The following ADGRL2 variants were observed in gnomAD, a reference collection of about 807,000 sequenced individuals.
ADGRL2 encodes the protein calcium-independent alpha-latrotoxin receptor 2.
Under a neutral mutation model 157.4 loss-of-function variants are expected in ADGRL2, and 44 were observed. That is an observed-to-expected ratio of 0.28 (90% confidence interval 0.22 to 0.36). ADGRL2 has a LOEUF of 0.36. Ranked by LOEUF, ADGRL2 falls within the 10% of genes least tolerant of loss-of-function variation. The pLI, the probability that ADGRL2 is intolerant of heterozygous loss-of-function variation, is 1.00. For synonymous variants in ADGRL2, 585 were observed against 624.7 expected, an observed-to-expected ratio of 0.94 and a Z score of 0.95; for missense variants, 1,510 against 1,768.9, an observed-to-expected ratio of 0.85 and a Z score of 2.63.
At chr1:81,654,780 C>T (rs1373511707) in intron 3 of ADGRL2, among the ~76,000 whole-genome samples, 3 of 152,130 alleles carry the variant, frequency 2.0e-5, no homozygotes, top group Admixed American at 2.0e-4. Context: ...AAGTAGATGG[C>T]TGAATTTCAT....
intron 2 of ADGRL2, among the ~76,000 whole-genome samples, chr1:81,877,666 G>A (rs1479864350): frequency 6.7e-6 from 1 of 150,020 alleles, no homozygotes. Flanking sequence ...TTTTTTTGGG[G>A]AGGGGGGAGG....
intron 2 of ADGRL2, among the ~76,000 whole-genome samples, chr1:81,536,012 G>T (rs2079728514): frequency 6.6e-6 from 1 of 152,136 alleles, no homozygotes; most frequent in Admixed American, 6.5e-5. Flanking sequence ...ATTCAATCAT[G>T]CAGATGTAAG....
At position 81,993,087 on chromosome 1, in the gene ADGRL2, ATTTTTTTTTTTTTTT is replaced by A. The variant is rs71085382; in HGVS notation, c.*1960_*1974del. ...TATATATATATATATATATATATAT[ATTTTTTTTTTTTTTT>A]TTTTTTTTTTTTTTTTTGGGACAGA... On this transcript the variant is annotated 3_prime_UTR_variant, in exon 24 of 24. Coordinates refer to ENST00000686636, the MANE Select transcript of ADGRL2 (RefSeq NM_001366006.2). 6.9e-4 allele frequency among the ~76,000 whole-genome samples: 20 copies of A among 29,194 alleles called. No individual in the cohort carries two copies. Among genetic ancestry groups the A allele is most frequent in the South Asian group, 4.9e-3 (4 of 816 alleles). 19.2% of individuals were successfully genotyped at this position (29,194 alleles called of 152,430 possible). A position where few individuals can be genotyped will look rare whatever the true frequency, so the allele number is the denominator to read the frequency against.
At chr1:81,610,778 G>C (rs1014528727) in intron 3 of ADGRL2, among the ~76,000 whole-genome samples, 1 of 152,104 alleles carries the variant, frequency 6.6e-6, no homozygotes, top group African/African-American at 2.4e-5. Flanking sequence ...TTTGGACATA[G>C]AGCCAATAGA....
intron 2 of ADGRL2, among the ~76,000 whole-genome samples, chr1:81,447,973 C>G (rs562211512): frequency 6.6e-6 from 1 of 152,044 alleles, no homozygotes; most frequent in South Asian, 2.1e-4. Context: ...CCTCCCCTGT[C>G]TCTTCCTCCT....
intron 2 of ADGRL2, among the ~76,000 whole-genome samples, chr1:81,512,252 C>G (rs1321654699): frequency 6.7e-6 from 1 of 149,306 alleles, no homozygotes; most frequent in Admixed American, 6.6e-5. Flanking sequence ...ATTTCTTTTT[C>G]TTTCTTTCTT....
At chr1:81,722,150 G>A (rs1456651223) in intron 1 of ADGRL2, 4 of 363,132 alleles carry the variant, frequency 1.1e-5, no homozygotes, top group African/African-American at 6.4e-5. Context: ...AAAATTAGCC[G>A]GGAGCGGTGG....
chr1:81,402,537 T>C (rs2101283183), intron 1 of ADGRL2, among the ~76,000 whole-genome samples: 1 of 152,258 alleles, frequency 6.6e-6, no homozygotes, highest in South Asian at 2.1e-4. Flanking sequence ...CTTGTTTTAA[T>C]AAGATTTCAG....
At chr1:81,566,085 A>G (rs2080554113) in intron 2 of ADGRL2, among the ~76,000 whole-genome samples, 1 of 152,184 alleles carries the variant, frequency 6.6e-6, no homozygotes. Context: ...CACATATTCT[A>G]TTTTTAGTAA....
At chr1:81,719,097 A>G (rs1289986040) in intron 1 of ADGRL2, among the ~76,000 whole-genome samples, 1 of 152,248 alleles carries the variant, frequency 6.6e-6, no homozygotes, top group Non-Finnish European at 1.5e-5. Flanking sequence ...CCCCTGGGTT[A>G]GTCAGAGATC....
intron 2 of ADGRL2, among the ~76,000 whole-genome samples, chr1:81,447,071 A>T (rs2077610855): frequency 6.6e-6 from 1 of 152,156 alleles, no homozygotes; most frequent in African/African-American, 2.4e-5. Flanking sequence ...ATTAGTCAAC[A>T]TAAATTTTAC....
intron 3 of ADGRL2, among the ~76,000 whole-genome samples, chr1:81,600,781 A>G (rs2148630526): frequency 6.6e-6 from 1 of 152,282 alleles, no homozygotes; most frequent in Non-Finnish European, 1.5e-5. Context: ...TAGCTGGAGG[A>G]CCACACTTTA....
intron 2 of ADGRL2, among the ~76,000 whole-genome samples, chr1:81,496,709 G>A (rs1050674365): frequency 3.3e-5 from 5 of 150,768 alleles, no homozygotes; most frequent in African/African-American, 4.9e-5. Flanking sequence ...TACAAGGAAA[G>A]AAATTTTATA....
At chr1:81,432,380 G>T (rs2077337465) in intron 1 of ADGRL2, among the ~76,000 whole-genome samples, 1 of 152,182 alleles carries the variant, frequency 6.6e-6, no homozygotes. Flanking sequence ...GGAGTTGGAT[G>T]TTGTCAAGGA....
At position 81,458,554 on chromosome 1, in the gene ADGRL2, A is replaced by G. The variant is rs189972310; in HGVS notation, c.-248+13465A>G. 1.9e-3 allele frequency among the ~76,000 whole-genome samples: 294 copies of G among 152,272 alleles called. 2 individuals are homozygous for G. Among genetic ancestry groups the G allele is most frequent in the African/African-American group, 6.8e-3 (283 of 41,562 alleles). ...GCCTCACTCAGTCCTCTGGACTCAC[A>G]CCATCCGCTTCAGCCCAGCAGGCTA... On this transcript the variant is annotated intron_variant, in intron 2 of 24. Transcript: ENST00000370721.
chr1:81,939,898 A>G (rs1647261798), intron 4 of ADGRL2, among the ~76,000 whole-genome samples: 1 of 151,396 alleles, frequency 6.6e-6, no homozygotes, highest in South Asian at 2.1e-4. Context: ...TATGTGATTC[A>G]TTAATCATCA....
chr1:81,386,087 C>T (rs1299251416), intron 1 of ADGRL2, among the ~76,000 whole-genome samples: 1 of 152,084 alleles, frequency 6.6e-6, no homozygotes, highest in Non-Finnish European at 1.5e-5. Flanking sequence ...TTCAATGTCT[C>T]TAACTTGAAA....
At chr1:81,914,431 T>C (rs1010811874) in intron 3 of ADGRL2, among the ~76,000 whole-genome samples, 32 of 152,188 alleles carry the variant, frequency 2.1e-4, no homozygotes, top group African/African-American at 7.7e-4. Flanking sequence ...TGAATTATTA[T>C]GAATGCTTAC....
intron 2 of ADGRL2, among the ~76,000 whole-genome samples, chr1:81,549,492 T>G (rs2080093661): frequency 6.6e-6 from 1 of 152,196 alleles, no homozygotes; most frequent in South Asian, 2.1e-4. Context: ...ACTACTGACA[T>G]GCCAAATAGT....
Sources: allele counts gnomAD v4.1 joint callset (sites outside exome capture counted in the v4.1 genomes callset), GRCh38; gene constraint gnomAD v4.1.1; transcripts MANE v1.5; gene names NCBI Gene and HGNC (gene_info 2026-07-23, HGNC 2026-07-21).